LINGO2: variants seen among roughly 807,000 people sequenced by gnomAD.
LINGO2 encodes leucine rich repeat and Ig domain containing 2, also known as leucine-rich repeat and immunoglobulin-like domain-containing nogo receptor-interacting protein 2.
LINGO2 carries 14 observed loss-of-function variants against 30.6 expected under a neutral mutation model. That is an observed-to-expected ratio of 0.46 (90% CI 0.30 to 0.72). The LOEUF (loss-of-function observed/expected upper bound fraction) is 0.72. Among genes scored for constraint, LINGO2 ranks in the 30% least tolerant of loss-of-function variants. LINGO2 has a pLI of 0.07. For missense variants in LINGO2, 729 were observed against 751.7 expected (o/e 0.97, Z 0.35); for synonymous variants, 317 against 288.5 (o/e 1.10, Z -1.00).
At chr9:28,640,476 G>A (rs1476662859) in intron 1 of LINGO2, among the ~76,000 whole-genome samples, 1 of 149,106 alleles carries the variant, frequency 6.7e-6, no homozygotes, top group African/African-American at 2.5e-5. Context: ...TGTAGATTTG[G>A]TCTTTTCACA....
At chr9:28,078,785 T>C (rs577568248) in intron 4 of LINGO2, among the ~76,000 whole-genome samples, 1 of 146,798 alleles carries the variant, frequency 6.8e-6, no homozygotes, top group South Asian at 2.1e-4. Context: ...GAGGCAGAGG[T>C]GGCAGTGAGC....
At chr9:27,947,938 A>G (rs565843975), downstream of LINGO2, 1 of 152,322 alleles carries the variant, frequency 6.6e-6, no homozygotes, top group South Asian at 2.1e-4. Context: ...GAGTGATTAA[A>G]TGAATCATTT....
chr9:28,263,355 A>G (rs1375337883), intron 4 of LINGO2, among the ~76,000 whole-genome samples: 1 of 151,856 alleles, frequency 6.6e-6, no homozygotes, highest in African/African-American at 2.4e-5. Context: ...CAATTACTCC[A>G]CTCTTTCCAC....
the LINGO2 span, among the ~76,000 whole-genome samples, chr9:28,763,173 G>T: frequency 6.6e-6 from 1 of 151,878 alleles, no homozygotes; most frequent in South Asian, 2.1e-4. Context: ...ACACAAATCA[G>T]ACTTGAATAA....
chr9:28,034,571 A>G (rs1823840545), intron 4 of LINGO2, among the ~76,000 whole-genome samples: 1 of 152,154 alleles, frequency 6.6e-6, no homozygotes, highest in Admixed American at 6.5e-5. Context: ...AGGGCTTTGC[A>G]AGTCAGCCTA....
At chr9:28,137,683 A>G (rs1827557489) in intron 4 of LINGO2, among the ~76,000 whole-genome samples, 1 of 152,134 alleles carries the variant, frequency 6.6e-6, no homozygotes, top group Admixed American at 6.5e-5. Flanking sequence ...AGTCTGATGT[A>G]TTCTTATGAT....
At chr9:29,032,905 G>C in the LINGO2 span, among the ~76,000 whole-genome samples, 1 of 152,072 alleles carries the variant, frequency 6.6e-6, no homozygotes, top group Non-Finnish European at 1.5e-5. Flanking sequence ...GCTCTCCTCT[G>C]TAACTATCTC....
intron 4 of LINGO2, among the ~76,000 whole-genome samples, chr9:28,017,041 T>C (rs988554993): frequency 1.3e-5 from 2 of 151,982 alleles, no homozygotes; most frequent in Non-Finnish European, 2.9e-5. Context: ...TCAACATACA[T>C]ACATCAATAA....
chr9:29,140,334 C>A, the LINGO2 span, among the ~76,000 whole-genome samples: 1 of 151,478 alleles, frequency 6.6e-6, no homozygotes. Flanking sequence ...ATGAGAATAC[C>A]AACAGAGATA....
chr9:28,193,990 G>A (rs1005334522), intron 4 of LINGO2, among the ~76,000 whole-genome samples: 1 of 152,128 alleles, frequency 6.6e-6, no homozygotes, highest in Non-Finnish European at 1.5e-5. Flanking sequence ...GAATTGTATG[G>A]CATTTTTATG....
In LINGO2 at chr9:28,427,125, A is replaced by T. The variant is rs1332313593; in HGVS notation, c.-279+48815T>A. Among the ~76,000 whole-genome samples, 7 of 152,204 alleles carry T rather than the reference A, an allele frequency of 4.6e-5. No individual in the cohort carries two copies. In the East Asian group the frequency reaches 1.4e-3, roughly 29 times the overall value. On this transcript the variant is annotated intron_variant, in intron 2 of 5. Coordinates refer to ENST00000379992, the Ensembl canonical transcript of LINGO2. ...TCTCCTATTTATTTTACTCTCATTT[A>T]AAAACCGCACATGAGCACTTCCCAT...
At chr9:28,328,821 T>C (rs1173089529) in intron 3 of LINGO2, among the ~76,000 whole-genome samples, 1 of 152,166 alleles carries the variant, frequency 6.6e-6, no homozygotes, top group Non-Finnish European at 1.5e-5. Flanking sequence ...CATCTCAATA[T>C]CATACATTGA....
At chr9:28,449,033 G>A (rs539606676) in intron 2 of LINGO2, among the ~76,000 whole-genome samples, 3 of 4,656 alleles carry the variant, frequency 6.4e-4, no homozygotes, top group African/African-American at 2.3e-3. Context: ...ATTCACATTC[G>A]TGTGTGTGTG....
At chr9:28,452,701 A>T (rs1334957584) in intron 2 of LINGO2, among the ~76,000 whole-genome samples, 1 of 151,802 alleles carries the variant, frequency 6.6e-6, no homozygotes, top group East Asian at 1.9e-4. Flanking sequence ...GAAGGTTTTA[A>T]ATATAGAAAT....
chr9:28,120,493 T>C (rs1172839966), intron 4 of LINGO2, among the ~76,000 whole-genome samples: 1 of 152,182 alleles, frequency 6.6e-6, no homozygotes, highest in East Asian at 1.9e-4. Context: ...GGAAGAAACT[T>C]GGTAACACTG....
At chr9:28,985,161 C>A in the LINGO2 span, among the ~76,000 whole-genome samples, 1 of 152,092 alleles carries the variant, frequency 6.6e-6, no homozygotes, top group Non-Finnish European at 1.5e-5. Context: ...GCCTAATATT[C>A]TCCAATTCCA....
the LINGO2 span, among the ~76,000 whole-genome samples, chr9:29,139,473 A>G: frequency 1.3e-5 from 2 of 152,282 alleles, no homozygotes; most frequent in South Asian, 2.1e-4. Context: ...ACTATTTTCC[A>G]CTTTGTTAAC....
chr9:28,985,825 T>C, the LINGO2 span, among the ~76,000 whole-genome samples: 1 of 152,076 alleles, frequency 6.6e-6, no homozygotes, highest in Non-Finnish European at 1.5e-5. Flanking sequence ...TTTTTATTCA[T>C]ACTGCTCTTT....
chr9:29,020,515 T>C, the LINGO2 span, among the ~76,000 whole-genome samples: 1 of 152,108 alleles, frequency 6.6e-6, no homozygotes, highest in Non-Finnish European at 1.5e-5. Context: ...CTCTAGAATA[T>C]GACTTTATTA....
Sources: gnomAD v4.1 joint callset for allele counts (sites outside exome capture counted in the v4.1 genomes callset) on GRCh38, gnomAD v4.1.1 for gene constraint, MANE v1.5 for transcripts, NCBI Gene and HGNC (gene_info 2026-07-23, HGNC 2026-07-21) for gene names.